Variants in PRKN observed in about 807,000 individuals in gnomAD.
PRKN encodes parkin RBR E3 ubiquitin protein ligase.
PRKN carries 56 observed loss-of-function variants against 59.5 expected under a neutral mutation model. The observed-to-expected ratio is 0.94, with a 90% CI of 0.76 to 1.18. PRKN has a LOEUF of 1.18. PRKN is among the 50% of genes most tolerant of loss of function. The probability of loss-of-function intolerance (pLI) is 0.00; values close to 1 mark genes in which losing one functional copy is unlikely to be tolerated. For synonymous variants in PRKN, 250 were observed against 222.1 expected (o/e 1.13, Z -1.12); for missense variants, 657 against 596.4 (o/e 1.10, Z -1.06).
intron 5 of PRKN, among the ~76,000 whole-genome samples, chr6:162,031,143 G>A (rs1014533313): frequency 1.3e-5 from 2 of 151,988 alleles, no homozygotes; most frequent in Admixed American, 1.3e-4. Context: ...CAGCTCGGAT[G>A]TCCTCCAAGG....
At chr6:161,758,118 T>C (rs1395560322) in intron 7 of PRKN, among the ~76,000 whole-genome samples, 2 of 151,708 alleles carry the variant, frequency 1.3e-5, no homozygotes, top group Non-Finnish European at 2.9e-5. Context: ...TCTCGTACAT[T>C]CTGGGTGGGC....
chr6:161,528,212 T>TG lies in PRKN; in HGVS notation c.1083+20641dup, dbSNP rs543487151. Among the ~76,000 whole-genome samples the TG allele has an allele frequency of 8.5e-5, 13 of 152,320 alleles. No homozygotes were observed. The South Asian group carries it at 2.5e-3, about 29-fold the overall frequency. On this transcript the variant is annotated intron_variant, in intron 9 of 11. Coordinates refer to ENST00000366898, the MANE Select transcript of PRKN (RefSeq NM_004562.3). ...GGATTTTATTCTGATTGGTAGTTTTTGGTTTTCTCTTTCTGTTTAGTAATG... is the reference window on the plus strand; with the variant it reads ...GGATTTTATTCTGATTGGTAGTTTTTGGGTTTTCTCTTTCTGTTTAGTAATG...
chr6:162,704,775 C>T (rs1262168663), intron 1 of PRKN, among the ~76,000 whole-genome samples: 2 of 151,964 alleles, frequency 1.3e-5, no homozygotes, highest in Admixed American at 6.6e-5. Context: ...TAGATGGGTC[C>T]GGTGGGCTCT....
intron 7 of PRKN, among the ~76,000 whole-genome samples, chr6:161,775,148 T>G (rs1789868745): frequency 6.6e-6 from 1 of 152,188 alleles, no homozygotes. Context: ...AAGCTTATAA[T>G]ACGGATTGCC....
intron 3 of PRKN, among the ~76,000 whole-genome samples, chr6:162,250,447 AACTTTT>A (rs1321804418): frequency 1.3e-5 from 2 of 152,178 alleles, no homozygotes; most frequent in African/African-American, 4.8e-5. Context: ...TGCTAGAAAG[AACTTTT>A]CCTTTGATCC....
intron 4 of PRKN, among the ~76,000 whole-genome samples, chr6:162,120,417 G>T (rs919620921): frequency 6.6e-6 from 1 of 152,170 alleles, no homozygotes; most frequent in Non-Finnish European, 1.5e-5. Flanking sequence ...GGTAGGTATT[G>T]CAAGGACTTT....
intron 7 of PRKN, among the ~76,000 whole-genome samples, chr6:161,589,396 C>T (rs535703995): frequency 6.6e-6 from 1 of 152,114 alleles, no homozygotes; most frequent in South Asian, 2.1e-4. Flanking sequence ...CAAGGTTCAA[C>T]CAAACATCAT....
At chr6:162,579,920 A>G (rs1374517114) in intron 1 of PRKN, among the ~76,000 whole-genome samples, 2 of 152,190 alleles carry the variant, frequency 1.3e-5, no homozygotes, top group Admixed American at 1.3e-4. Flanking sequence ...ACCTCCCCAG[A>G]TGGGTGATAC....
At chr6:161,564,594 C>A (rs1332038599) in intron 8 of PRKN, among the ~76,000 whole-genome samples, 1 of 152,226 alleles carries the variant, frequency 6.6e-6, no homozygotes, top group Non-Finnish European at 1.5e-5. Context: ...CCCAGTACCA[C>A]AAAGCATTGC....
intron 9 of PRKN, among the ~76,000 whole-genome samples, chr6:161,522,352 T>C (rs1051317947): frequency 6.6e-6 from 1 of 152,204 alleles, no homozygotes. Flanking sequence ...AGCGAGGCGA[T>C]GGATCAGTAG....
chr6:162,240,923 TGAA>T (rs1583252522), intron 3 of PRKN, among the ~76,000 whole-genome samples: 1 of 152,234 alleles, frequency 6.6e-6, no homozygotes, highest in African/African-American at 2.4e-5. Context: ...AATGATGTTT[TGAA>T]GAAGGTGAAA....
chr6:161,835,730 G>T (rs77100028), intron 6 of PRKN, among the ~76,000 whole-genome samples: 1 of 152,148 alleles, frequency 6.6e-6, no homozygotes, highest in African/African-American at 2.4e-5. Context: ...TCTATCAGCC[G>T]GCAGCACGTG....
intron 6 of PRKN, among the ~76,000 whole-genome samples, chr6:161,943,921 G>C (rs1779668666): frequency 7.0e-6 from 1 of 142,144 alleles, no homozygotes; most frequent in Non-Finnish European, 1.5e-5. Flanking sequence ...GATCAGCCTT[G>C]AGGAAGCAGC....
At chr6:161,892,480 C>A (rs1303368018) in intron 6 of PRKN, among the ~76,000 whole-genome samples, 2 of 151,750 alleles carry the variant, frequency 1.3e-5, no homozygotes, top group African/African-American at 4.8e-5. Context: ...CGGTGTATGA[C>A]TGAAAATTGG....
Position 162,131,688 on chromosome 6 carries a change from T to C in PRKN, c.534+69443A>G, listed in dbSNP as rs150911610. Among the ~76,000 whole-genome samples, 183 of 152,338 alleles carry C rather than the reference T, an allele frequency of 1.2e-3. 1 individual carries two copies. Among genetic ancestry groups the C allele is most frequent in the Middle Eastern group, 6.8e-3 (2 of 294 alleles). On this transcript the variant is annotated intron_variant, in intron 4 of 11. Transcript: ENST00000366898. ...TAAAAAGCCAGTAGGTGTAAATATA[T>C]GCTGAGCCTTAGAAACAAGCCTTAA...
intron 4 of PRKN, among the ~76,000 whole-genome samples, chr6:162,174,603 C>T (rs1783449216): frequency 6.6e-6 from 1 of 152,182 alleles, no homozygotes; most frequent in Non-Finnish European, 1.5e-5. Flanking sequence ...TTTATATAAT[C>T]ATTTATCCAA....
chr6:162,151,268 C>T (rs1273439665), intron 4 of PRKN, among the ~76,000 whole-genome samples: 1 of 152,196 alleles, frequency 6.6e-6, no homozygotes, highest in Non-Finnish European at 1.5e-5. Context: ...GAGAGTTTGT[C>T]TCAAGGTTTG....
intron 1 of PRKN, among the ~76,000 whole-genome samples, chr6:162,698,432 C>A (rs1332512726): frequency 6.6e-6 from 1 of 152,044 alleles, no homozygotes. Context: ...TTCCTTTTAC[C>A]CTTTTCTTCC....
chr6:162,616,544 T>G (rs949820082), intron 1 of PRKN, among the ~76,000 whole-genome samples: 6 of 152,154 alleles, frequency 3.9e-5, no homozygotes, highest in Non-Finnish European at 8.8e-5. Context: ...CCCCCCGTAA[T>G]ATAACTCACT....
Sources: gnomAD v4.1 joint callset for allele counts (sites outside exome capture counted in the v4.1 genomes callset) on GRCh38, gnomAD v4.1.1 for gene constraint, MANE v1.5 for transcripts, NCBI Gene and HGNC (gene_info 2026-07-23, HGNC 2026-07-21) for gene names.